PPARGC1A: variants seen among roughly 807,000 people sequenced by gnomAD.
PPARGC1A encodes the protein peroxisome proliferator-activated receptor gamma coactivator 1-alpha.
In PPARGC1A, 25 loss-of-function variants were observed where a neutral mutation model predicts 88.7. That is an observed-to-expected ratio of 0.28 (90% CI 0.21 to 0.39). The LOEUF (loss-of-function observed/expected upper bound fraction) is 0.39. Among genes scored for constraint, PPARGC1A ranks in the 10% least tolerant of loss-of-function variants. The probability of loss-of-function intolerance (pLI) is 1.00; values close to 1 mark genes in which losing one functional copy is unlikely to be tolerated. For missense variants in PPARGC1A, 880 were observed against 968.7 expected (o/e 0.91, Z 1.22); for synonymous variants, 363 against 355.6 (o/e 1.02, Z -0.24).
the PPARGC1A span, among the ~76,000 whole-genome samples, chr4:24,319,630 T>G: frequency 1.3e-5 from 2 of 152,204 alleles, no homozygotes; most frequent in African/African-American, 4.8e-5. Flanking sequence ...CTCATTACTG[T>G]AGACACTGTT....
At chr4:24,339,233 TATATACACACACACACAC>T in the PPARGC1A span, among the ~76,000 whole-genome samples, 1 of 119,260 alleles carries the variant, frequency 8.4e-6, no homozygotes, top group Non-Finnish European at 1.7e-5. Context: ...TATATATATA[TATATACACACACACACAC>T]ACACACACAC....
chr4:24,454,914 C>T, the PPARGC1A span, among the ~76,000 whole-genome samples: 1 of 144,298 alleles, frequency 6.9e-6, no homozygotes, highest in African/African-American at 2.6e-5. Context: ...AAAAAAAAAA[C>T]AAGAATAGAA....
intron 2 of PPARGC1A, chr4:23,881,346 G>A (rs896945083): frequency 2.0e-5 from 3 of 152,158 alleles, no homozygotes; most frequent in East Asian, 1.9e-4. Context: ...TGCGTAAGCA[G>A]AGAACATTGT....
upstream of PPARGC1A, chr4:23,903,940 C>T (rs1442160796): frequency 9.3e-6 from 7 of 754,280 alleles, no homozygotes; most frequent in Non-Finnish European, 1.1e-5. Flanking sequence ...CAAAACCCAC[C>T]TACCAATAGC....
the PPARGC1A span, among the ~76,000 whole-genome samples, chr4:24,167,200 G>A: frequency 1.1e-3 from 164 of 152,286 alleles, no homozygotes; most frequent in African/African-American, 3.9e-3. Context: ...CAAGACTTCC[G>A]TGGAGGAAGA....
chr4:24,181,205 G>C, the PPARGC1A span, among the ~76,000 whole-genome samples: 3 of 152,176 alleles, frequency 2.0e-5, no homozygotes, highest in African/African-American at 7.2e-5. Flanking sequence ...CTGTAACCAG[G>C]AAGTATTGAC....
chr4:24,330,288 G>T, the PPARGC1A span, among the ~76,000 whole-genome samples: 1 of 152,190 alleles, frequency 6.6e-6, no homozygotes, highest in Non-Finnish European at 1.5e-5. Context: ...TCCAGTTTCT[G>T]TGTCGGAATG....
At chr4:24,234,150 T>C in the PPARGC1A span, among the ~76,000 whole-genome samples, 1 of 152,144 alleles carries the variant, frequency 6.6e-6, no homozygotes, top group South Asian at 2.1e-4. Context: ...GAAAGCACAA[T>C]GGGCAGATTT....
chr4:24,084,289 A>AT, the PPARGC1A span, among the ~76,000 whole-genome samples: 1 of 152,230 alleles, frequency 6.6e-6, no homozygotes, highest in African/African-American at 2.4e-5. Flanking sequence ...TAATAAGCAG[A>AT]TTTGGAGAAG....
the PPARGC1A span, among the ~76,000 whole-genome samples, chr4:24,165,117 A>G: frequency 3.3e-5 from 5 of 152,172 alleles, no homozygotes; most frequent in South Asian, 1.0e-3. Context: ...TAATTTAAAT[A>G]AAAATATTAG....
chr4:23,899,934 TAAC>T (rs1300806478), upstream of PPARGC1A, among the ~76,000 whole-genome samples: 7 of 151,868 alleles, frequency 4.6e-5, no homozygotes, highest in Admixed American at 3.3e-4. Context: ...TATACTTCGA[TAAC>T]AAGTTTAAAA....
At chr4:23,818,881 A>AT (rs1240536646) in intron 7 of PPARGC1A, among the ~76,000 whole-genome samples, 1 of 72,538 alleles carries the variant, frequency 1.4e-5, no homozygotes, top group Non-Finnish European at 2.6e-5. Flanking sequence ...AGTTTATAAC[A>AT]TTTTGCAGAA....
At chr4:23,802,369 G>T (rs763047551) in intron 10 of PPARGC1A, 24 bp from the exon 11 acceptor site, 1 of 1,613,614 alleles carries the variant, frequency 6.2e-7, no homozygotes, top group South Asian at 1.1e-5. Flanking sequence ...GAAGGAGAGA[G>T]TTCTGGAGTG....
the PPARGC1A span, among the ~76,000 whole-genome samples, chr4:24,230,438 G>A: frequency 2.0e-4 from 31 of 152,094 alleles, no homozygotes; most frequent in Non-Finnish European, 4.3e-4. Flanking sequence ...CATTTTAAAG[G>A]TAAGGGAAGA....
At chr4:23,929,241 C>A in the PPARGC1A span, among the ~76,000 whole-genome samples, 20 of 152,170 alleles carry the variant, frequency 1.3e-4, no homozygotes, top group Non-Finnish European at 2.6e-4. Context: ...GAACACCAGT[C>A]TATAAAGGAC....
At chr4:24,205,124 C>T in the PPARGC1A span, among the ~76,000 whole-genome samples, 1 of 152,168 alleles carries the variant, frequency 6.6e-6, no homozygotes, top group Non-Finnish European at 1.5e-5. Flanking sequence ...CGCACCCAGC[C>T]TCATGCAAGT....
At chr4:24,009,550 G>A in the PPARGC1A span, among the ~76,000 whole-genome samples, 1 of 152,206 alleles carries the variant, frequency 6.6e-6, no homozygotes, top group Admixed American at 6.5e-5. Flanking sequence ...TGTATTGCTA[G>A]TTTCTTTCTC....
At chr4:24,307,036 A>G in the PPARGC1A span, among the ~76,000 whole-genome samples, 1 of 152,216 alleles carries the variant, frequency 6.6e-6, no homozygotes, top group South Asian at 2.1e-4. Flanking sequence ...CTTAAGATTG[A>G]TGGGATATTC....
At chr4:24,267,262 C>G in the PPARGC1A span, among the ~76,000 whole-genome samples, 1 of 152,166 alleles carries the variant, frequency 6.6e-6, no homozygotes, top group African/African-American at 2.4e-5. Context: ...CCTCTTCACT[C>G]TTTTTAACTG....
Sources: gnomAD v4.1 joint callset for allele counts (sites outside exome capture counted in the v4.1 genomes callset) on GRCh38, gnomAD v4.1.1 for gene constraint, MANE v1.5 for transcripts, NCBI Gene and HGNC (gene_info 2026-07-23, HGNC 2026-07-21) for gene names.